GNG7: variants seen among roughly 807,000 people sequenced by gnomAD.
The protein encoded by GNG7 is guanine nucleotide-binding protein G(I)/G(S)/G(O) subunit gamma-7.
In GNG7, 1 loss-of-function variant was observed where a neutral mutation model predicts 4.0. The observed-to-expected ratio is 0.25, with a 90% CI of 0.09 to 1.18. GNG7 has a LOEUF of 1.18. Ranked by LOEUF, GNG7 falls within the 50% of genes most tolerant of loss-of-function variation. GNG7 has a pLI of 0.50. For synonymous variants in GNG7, 34 were observed against 36.9 expected (o/e 0.92, Z 0.29); for missense variants, 86 against 91.9 (o/e 0.94, Z 0.26).
chr19:2,597,633 A>G (rs1000193212), intron 2 of GNG7, among the ~76,000 whole-genome samples: 1 of 151,346 alleles, frequency 6.6e-6, no homozygotes, highest in African/African-American at 2.4e-5. Flanking sequence ...GTGGTGGCTC[A>G]CACCTGTAAT....
intron 3 of GNG7, among the ~76,000 whole-genome samples, chr19:2,530,943 C>A (rs1018636642): frequency 6.6e-6 from 1 of 152,050 alleles, no homozygotes; most frequent in African/African-American, 2.4e-5. Context: ...TCCAGGGTTT[C>A]CTGAGGAGAG....
intron 1 of GNG7, among the ~76,000 whole-genome samples, chr19:2,670,724 T>C (rs940297152): frequency 1.1e-4 from 17 of 152,198 alleles, no homozygotes; most frequent in African/African-American, 4.1e-4. Context: ...ATCCCTGGCC[T>C]GCACCCACTC....
Position 2,696,154 on chromosome 19 carries a change from C to CA in GNG7, c.-135+6491dup, listed in dbSNP as rs1194718785. On this transcript the variant is annotated intron_variant, in intron 1 of 4. Coordinates refer to ENST00000382159, the MANE Select transcript of GNG7 (RefSeq NM_052847.3). Reference sequence around the variant, plus strand: ...CCCGGGAGACAGAGCAAGACTCCGTCAAAAAAAAAGAAAAGAGAGAAAGAG... The same window carrying CA: ...CCCGGGAGACAGAGCAAGACTCCGTCAAAAAAAAAAGAAAAGAGAGAAAGAG... 6.2e-3 allele frequency among the ~76,000 whole-genome samples: 737 copies of CA among 119,672 alleles called. 12 individuals are homozygous for CA. Among genetic ancestry groups the CA allele is most frequent in the African/African-American group, 0.022 (694 of 31,346 alleles). 78.5% of individuals were successfully genotyped at this position (119,672 alleles called of 152,430 possible). A position where few individuals can be genotyped will look rare whatever the true frequency, so the allele number is the denominator to read the frequency against.
At chr19:2,518,717 G>T (rs537018992) in intron 4 of GNG7, among the ~76,000 whole-genome samples, 1 of 152,188 alleles carries the variant, frequency 6.6e-6, no homozygotes, top group African/African-American at 2.4e-5. Flanking sequence ...GTTCTGAGTG[G>T]ATACGTGGGG....
chr19:2,612,587 C>T (rs1320535499), intron 2 of GNG7, among the ~76,000 whole-genome samples: 2 of 151,478 alleles, frequency 1.3e-5, no homozygotes, highest in African/African-American at 4.9e-5. Context: ...AAAATCCAGT[C>T]GACAAAAGAT....
Position 2,688,579 on chromosome 19 carries a change from T to C in GNG7, c.-135+14067A>G, listed in dbSNP as rs375316953. ...CTAGATCAGAAGTAAGTCTGCACAATACCCAGCCGGTCCCCCTAAGACCGT... is the reference window on the plus strand; with the variant it reads ...CTAGATCAGAAGTAAGTCTGCACAACACCCAGCCGGTCCCCCTAAGACCGT... On this transcript the variant is annotated intron_variant, in intron 1 of 4. Transcript: ENST00000382159. 5.3e-5 allele frequency among the ~76,000 whole-genome samples: 8 copies of C among 152,154 alleles called. 1 individual carries two copies. The South Asian group carries it at 1.5e-3, about 28-fold the overall frequency.
intron 1 of GNG7, among the ~76,000 whole-genome samples, chr19:2,696,313 A>C (rs1913252254): frequency 6.9e-6 from 1 of 143,972 alleles, no homozygotes; most frequent in Admixed American, 6.8e-5. Flanking sequence ...AAAGAAAGAA[A>C]GAAAGAAAGA....
chr19:2,687,060 T>TC (rs1231048780), intron 1 of GNG7, among the ~76,000 whole-genome samples: 1 of 147,394 alleles, frequency 6.8e-6, no homozygotes, highest in East Asian at 2.0e-4. Context: ...CCACTTTTTT[T>TC]CTTTTTTTTT....
At chr19:2,630,469 A>G (rs1248571862) in intron 2 of GNG7, among the ~76,000 whole-genome samples, 1 of 152,090 alleles carries the variant, frequency 6.6e-6, no homozygotes. Context: ...GTGACCCTTT[A>G]AAAGGGATTG....
chr19:2,559,739 CTT>C (rs2144767835), intron 2 of GNG7, among the ~76,000 whole-genome samples: 1 of 152,270 alleles, frequency 6.6e-6, no homozygotes, highest in African/African-American at 2.4e-5. Flanking sequence ...GTCTCGATCT[CTT>C]GACCTCGTGA....
In GNG7 at chr19:2,580,091, C is replaced by T. The variant is rs532999045; in HGVS notation, c.-77-24903G>A. ...AGGACCCACTCAATAAACACTGGAGCAACTCCCAGGGCAGGGGAATGCAGG... is the reference window on the plus strand; with the variant it reads ...AGGACCCACTCAATAAACACTGGAGTAACTCCCAGGGCAGGGGAATGCAGG... On this transcript the variant is annotated intron_variant, in intron 2 of 4. Coordinates refer to ENST00000382159, the MANE Select transcript of GNG7 (RefSeq NM_052847.3). Among the ~76,000 whole-genome samples the T allele has an allele frequency of 6.6e-5, 10 of 152,228 alleles. No homozygotes were observed. The South Asian group carries it at 2.1e-3, about 32-fold the overall frequency.
intron 2 of GNG7, among the ~76,000 whole-genome samples, chr19:2,624,555 A>T (rs1981967764): frequency 1.3e-5 from 2 of 151,842 alleles, no homozygotes; most frequent in Non-Finnish European, 2.9e-5. Context: ...AAGAAAAAGA[A>T]AAAAAGAAAA....
At chr19:2,602,909 C>CTTTTCTTTT (rs1555697062) in intron 2 of GNG7, among the ~76,000 whole-genome samples, 3 of 140,100 alleles carry the variant, frequency 2.1e-5, no homozygotes, top group African/African-American at 8.4e-5. Context: ...TTCTTTCTTT[C>CTTTTCTTTT]TTTCTTTCTT....
Position 2,515,079 on chromosome 19 carries a change from G to A in GNG7, c.150C>T (p.Val50=), listed in dbSNP as rs780562415. 1.2e-5 allele frequency: 19 copies of A among 1,613,834 alleles called. No homozygotes were observed. Among genetic ancestry groups the A allele is most frequent in the Admixed American group, 6.7e-5 (4 of 59,982 alleles). The change falls in exon 5 of 5, where the codon GTC becomes GTT. Residue 50 remains valine (V), a synonymous_variant. Coordinates refer to ENST00000382159, the MANE Select transcript of GNG7 (RefSeq NM_052847.3). ...AGGGGTTCTCCGAGGCAGGGACTCC[G>A]ACCAGCAGGGGGTCGTTCCGGGCAT... ...EQHARNDPLL[V]GVPASENPFK...
rs1294558407 is a variant in GNG7 at position 2,633,485 on chromosome 19, G to GCA, written c.-78+12738_-78+12739insTG. ...CTTAGCAACAGGCGCGCGCGCGCGC[G>GCA]CGCACACACACACACACACACACAC... On this transcript the variant is annotated intron_variant, in intron 2 of 4. Coordinates refer to ENST00000382159, the MANE Select transcript of GNG7 (RefSeq NM_052847.3). The surrounding 1 kb of genome is among the most constrained non-coding windows in gnomAD (Gnocchi z 5.9). 0.093 allele frequency among the ~76,000 whole-genome samples: 12,212 copies of GCA among 131,264 alleles called. 585 individuals are homozygous for GCA. The highest frequency in any genetic ancestry group is 0.16 in the Middle Eastern group (43 of 266). The allele number at this position is 131,264 out of a possible 152,430, so 86.1% of individuals were successfully genotyped here.
chr19:2,626,180 G>A lies in GNG7; in HGVS notation c.-78+20044C>T, dbSNP rs1568266743. ...AAACAGAAGCAGAGAGTGACCGCGG[G>A]TGCCCACCTGACCCCGTGTCTCCAG... On this transcript the variant is annotated intron_variant, in intron 2 of 4. Coordinates refer to ENST00000382159, the MANE Select transcript of GNG7 (RefSeq NM_052847.3). The surrounding 1 kb of genome is among the most constrained non-coding windows in gnomAD (Gnocchi z 5.0). Among the ~76,000 whole-genome samples the A allele has an allele frequency of 6.6e-6, 1 of 152,110 alleles. No homozygotes were observed. The highest frequency in any genetic ancestry group is 1.5e-5 in the Non-Finnish European group (1 of 68,002).
intron 1 of GNG7, among the ~76,000 whole-genome samples, chr19:2,699,008 C>T (rs1257412294): frequency 2.6e-5 from 4 of 152,304 alleles, no homozygotes; most frequent in Middle Eastern, 3.4e-3. Flanking sequence ...GGAAGCTTCA[C>T]GTTCCAGGTT....
chr19:2,649,715 T>C (rs1410052841), intron 1 of GNG7, among the ~76,000 whole-genome samples: 1 of 152,154 alleles, frequency 6.6e-6, no homozygotes, highest in East Asian at 1.9e-4. Flanking sequence ...AACAGCCTTA[T>C]TGTGAACTAA....
intron 3 of GNG7, among the ~76,000 whole-genome samples, chr19:2,553,939 A>C (rs1202180810): frequency 7.0e-6 from 1 of 143,884 alleles, no homozygotes; most frequent in African/African-American, 2.6e-5. Context: ...ATTGTATGTA[A>C]TATATTATAT....
Sources: allele counts gnomAD v4.1 joint callset (sites outside exome capture counted in the v4.1 genomes callset), GRCh38; gene constraint gnomAD v4.1.1; non-coding constraint Gnocchi (gnomAD v3.1); transcripts MANE v1.5; gene names NCBI Gene and HGNC (gene_info 2026-07-23, HGNC 2026-07-21).